Variants in AFG1L observed in about 807,000 individuals in gnomAD.
AFG1L encodes the protein AFG1-like ATPase.
In AFG1L, 53 loss-of-function variants were observed where a neutral mutation model predicts 62.2. The observed-to-expected ratio is 0.85, with a 90% confidence interval of 0.68 to 1.07. AFG1L has a LOEUF of 1.07. Among genes scored for constraint, AFG1L ranks in the 50% least tolerant of loss-of-function variants. The probability of loss-of-function intolerance (pLI) is 0.00; values close to 1 mark genes in which losing one functional copy is unlikely to be tolerated. For synonymous variants in AFG1L, 228 were observed against 210.3 expected (o/e 1.08, Z -0.73); for missense variants, 555 against 590.5 (o/e 0.94, Z 0.62).
chr6:108,347,933 G>A (rs919307717), intron 3 of AFG1L, among the ~76,000 whole-genome samples: 6 of 151,906 alleles, frequency 3.9e-5, no homozygotes, highest in Non-Finnish European at 7.4e-5. Context: ...TTTGGACCTA[G>A]ACTAATATTC....
At chr6:108,488,745 A>G (rs1773665266) in intron 10 of AFG1L, among the ~76,000 whole-genome samples, 1 of 151,914 alleles carries the variant, frequency 6.6e-6, no homozygotes, top group Non-Finnish European at 1.5e-5. Flanking sequence ...GCGCACATCT[A>G]TAATCTCAGC....
chr6:108,476,621 C>T lies in AFG1L; in HGVS notation c.891-244C>T, dbSNP rs111235158. ...ATTAATGGATTTACTCTGCCTGTATCGTCTCATTACTGGAAACAGCTAGAA... is the reference window on the plus strand; with the variant it reads ...ATTAATGGATTTACTCTGCCTGTATTGTCTCATTACTGGAAACAGCTAGAA... On this transcript the variant is annotated intron_variant, in intron 8 of 12. Coordinates refer to ENST00000368977, the MANE Select transcript of AFG1L (RefSeq NM_145315.5). Among the ~76,000 whole-genome samples the T allele has an allele frequency of 3.1e-3, 474 of 152,242 alleles. 7 individuals carry two copies. The highest frequency in any genetic ancestry group is 4.1e-4 in the Non-Finnish European group (28 of 68,012).
intron 10 of AFG1L, among the ~76,000 whole-genome samples, chr6:108,498,928 T>C (rs1383712908): frequency 6.6e-6 from 1 of 152,090 alleles, no homozygotes; most frequent in African/African-American, 2.4e-5. Flanking sequence ...GAGCCAAGAT[T>C]GCGCCACTGC....
chr6:108,477,391 C>T lies in AFG1L; in HGVS notation c.1062+99C>T, dbSNP rs1773154191. ...ATTTCAGATTTTAAAATACCATTCA[C>T]AGAGTCAGAATCGATTTAAAAGTCT... On this transcript the variant is annotated intron_variant, in intron 10 of 12. Coordinates refer to ENST00000368977, the MANE Select transcript of AFG1L (RefSeq NM_145315.5). 4.8e-6 allele frequency: 3 copies of T among 626,994 alleles called. No individual in the cohort carries two copies. In the East Asian group the frequency reaches 8.5e-5, roughly 18 times the overall value. 38.8% of individuals were successfully genotyped at this position (626,994 alleles called of 1,614,324 possible).
chr6:108,307,450 G>A (rs373927497), intron 1 of AFG1L, among the ~76,000 whole-genome samples: 54 of 138,926 alleles, frequency 3.9e-4, no homozygotes, highest in African/African-American at 1.4e-3. Context: ...TTGCCCAGTC[G>A]CCCAGGCTGG....
chr6:108,511,191 GA>G (rs573196075), intron 11 of AFG1L, among the ~76,000 whole-genome samples: 167 of 151,948 alleles, frequency 1.1e-3, no homozygotes, highest in African/African-American at 3.9e-3. Flanking sequence ...AAGAGAAGGA[GA>G]AGGAGGAGAA....
chr6:108,335,676 A>G (rs942506855), intron 2 of AFG1L, among the ~76,000 whole-genome samples: 1 of 152,246 alleles, frequency 6.6e-6, no homozygotes, highest in African/African-American at 2.4e-5. Flanking sequence ...CTGAACTAGT[A>G]GTGGACTGGA....
intron 6 of AFG1L, chr6:108,372,726 G>C (rs1780065912): frequency 6.5e-6 from 1 of 154,700 alleles, no homozygotes; most frequent in African/African-American, 2.4e-5. Context: ...AGTAGAAACT[G>C]TAACCAGGTT....
chr6:108,398,986 TG>T (rs1478334697), intron 6 of AFG1L, among the ~76,000 whole-genome samples: 1 of 152,176 alleles, frequency 6.6e-6, no homozygotes, highest in Non-Finnish European at 1.5e-5. Context: ...CTGTGAAGAA[TG>T]GCATTGTGAC....
intron 5 of AFG1L, among the ~76,000 whole-genome samples, chr6:108,361,955 A>G (rs894702184): frequency 6.6e-6 from 1 of 152,214 alleles, no homozygotes; most frequent in African/African-American, 2.4e-5. Context: ...GAAGGCATGA[A>G]TCTTTATTAA....
At chr6:108,398,061 A>G (rs964364424) in intron 6 of AFG1L, among the ~76,000 whole-genome samples, 1 of 152,154 alleles carries the variant, frequency 6.6e-6, no homozygotes, top group Non-Finnish European at 1.5e-5. Context: ...ACTAATTTAC[A>G]TTCCCACCAA....
intron 1 of AFG1L, among the ~76,000 whole-genome samples, chr6:108,310,558 G>C (rs1777363250): frequency 6.6e-6 from 1 of 150,700 alleles, no homozygotes; most frequent in Non-Finnish European, 1.5e-5. Context: ...CCATTCTGTG[G>C]GTTGTATTTT....
At chr6:108,325,626 C>T (rs1409838317) in intron 2 of AFG1L, among the ~76,000 whole-genome samples, 1 of 152,030 alleles carries the variant, frequency 6.6e-6, no homozygotes, top group African/African-American at 2.4e-5. Flanking sequence ...GCTGGGATTA[C>T]AGGCACACAC....
At chr6:108,307,529 G>C (rs1777250230) in intron 1 of AFG1L, among the ~76,000 whole-genome samples, 1 of 151,296 alleles carries the variant, frequency 6.6e-6, no homozygotes, top group African/African-American at 2.4e-5. Flanking sequence ...TCCCAGCTCA[G>C]TCTCCTGAGT....
intron 8 of AFG1L, among the ~76,000 whole-genome samples, chr6:108,449,236 T>C (rs1028409958): frequency 1.1e-4 from 17 of 151,982 alleles, no homozygotes; most frequent in Non-Finnish European, 1.9e-4. Context: ...CATATAGATA[T>C]ATATAGATAG....
At chr6:108,317,626 G>A (rs1052636156) in intron 1 of AFG1L, among the ~76,000 whole-genome samples, 6 of 152,164 alleles carry the variant, frequency 3.9e-5, no homozygotes, top group Non-Finnish European at 7.3e-5. Flanking sequence ...CTACACTTTA[G>A]CAGAGTTCAG....
chr6:108,448,417 A>G (rs1338919139), intron 8 of AFG1L, among the ~76,000 whole-genome samples: 1 of 151,760 alleles, frequency 6.6e-6, no homozygotes, highest in African/African-American at 2.4e-5. Flanking sequence ...TTCCAGATGT[A>G]TGGTACCAAT....
rs866452646 is a variant in AFG1L, at chr6:108,441,716, T to A, written c.808-5498T>A. 8.4e-3 allele frequency among the ~76,000 whole-genome samples: 1,079 copies of A among 129,152 alleles called. 23 individuals carry two copies. The highest frequency in any genetic ancestry group is 0.05 in the Admixed American group (687 of 13,778). 84.7% of individuals were successfully genotyped at this position (129,152 alleles called of 152,430 possible). On this transcript the variant is annotated intron_variant, in intron 7 of 12. Transcript: ENST00000368977. ...GAGGTTTATTTAAAAAAAAAAAATA[T>A]ATATATATATATATAAACTGAGTGT...
intron 2 of AFG1L, among the ~76,000 whole-genome samples, chr6:108,325,028 C>G (rs1777984241): frequency 6.6e-6 from 1 of 152,160 alleles, no homozygotes; most frequent in Admixed American, 6.5e-5. Context: ...TTTATGGTGT[C>G]CGTGCAGGCC....
Sources: gnomAD v4.1 joint callset for allele counts (sites outside exome capture counted in the v4.1 genomes callset) on GRCh38, gnomAD v4.1.1 for gene constraint, MANE v1.5 for transcripts, NCBI Gene and HGNC (gene_info 2026-07-23, HGNC 2026-07-21) for gene names.